The following SERPINE2 variants were observed in gnomAD, a reference collection of about 807,000 sequenced individuals.
SERPINE2 encodes glia-derived nexin.
SERPINE2 carries 14 observed loss-of-function variants against 36.3 expected under a neutral mutation model. That is an observed-to-expected ratio of 0.39 (90% CI 0.25 to 0.60). SERPINE2 has a LOEUF of 0.60. Ranked by LOEUF, SERPINE2 falls within the 20% of genes least tolerant of loss-of-function variation. The probability of loss-of-function intolerance (pLI) is 0.57; values close to 1 mark genes in which losing one functional copy is unlikely to be tolerated. For missense variants in SERPINE2, 418 were observed against 499.6 expected (o/e 0.84, Z 1.56); for synonymous variants, 192 against 191.8 (o/e 1.00, Z -0.01).
intron 1 of SERPINE2, among the ~76,000 whole-genome samples, chr2:224,025,281 C>A (rs1399144355): frequency 6.6e-6 from 1 of 152,220 alleles, no homozygotes; most frequent in Non-Finnish European, 1.5e-5. Flanking sequence ...GCACTAACCC[C>A]ATTCCCCAGC....
intron 1 of SERPINE2, among the ~76,000 whole-genome samples, chr2:224,007,426 C>G (rs933186332): frequency 1.3e-5 from 2 of 152,202 alleles, no homozygotes; most frequent in Non-Finnish European, 2.9e-5. Flanking sequence ...CCCCCCCATA[C>G]TCAACATCCA....
chr2:224,002,364 T>C (rs769312383), intron 1 of SERPINE2, among the ~76,000 whole-genome samples: 12 of 152,184 alleles, frequency 7.9e-5, no homozygotes, highest in Non-Finnish European at 1.5e-4. Context: ...CAGAACAGTG[T>C]AATTAAATCA....
chr2:223,990,736 G>C (rs1246507390), intron 4 of SERPINE2, among the ~76,000 whole-genome samples: 6 of 152,184 alleles, frequency 3.9e-5, no homozygotes, highest in Admixed American at 3.3e-4. Flanking sequence ...CCAGCAGTTT[G>C]AGAGGCCAAG....
chr2:223,980,141 G>T, intron 7 of SERPINE2, 170 bp downstream of exon 7: 1 of 556,960 alleles, frequency 1.8e-6, no homozygotes. Context: ...TGAGCTTTGT[G>T]GTTACAGGTC....
At chr2:224,017,946 T>C (rs1012438725) in intron 1 of SERPINE2, among the ~76,000 whole-genome samples, 3 of 152,234 alleles carry the variant, frequency 2.0e-5, no homozygotes, top group African/African-American at 7.2e-5. Flanking sequence ...TCAAAACACA[T>C]GTTTAAAGCT....
chr2:224,031,661 A>G (rs900082171), intron 1 of SERPINE2, among the ~76,000 whole-genome samples: 1 of 152,048 alleles, frequency 6.6e-6, no homozygotes, highest in Admixed American at 6.5e-5. Flanking sequence ...TCAGCCAATC[A>G]TAGGACCTCA....
At chr2:224,030,262 T>G (rs1168682368) in intron 1 of SERPINE2, 29 of 978,068 alleles carry the variant, frequency 3.0e-5, no homozygotes, top group Non-Finnish European at 3.4e-5. Context: ...CCACTGAGAG[T>G]GCAGCAGGAA....
At chr2:223,997,848 A>C (rs1225731552) in intron 3 of SERPINE2, among the ~76,000 whole-genome samples, 3 of 152,220 alleles carry the variant, frequency 2.0e-5, no homozygotes, top group Non-Finnish European at 2.9e-5. Flanking sequence ...AGGATGCTGG[A>C]GACCAGATAT....
intron 1 of SERPINE2, among the ~76,000 whole-genome samples, chr2:224,035,788 T>C (rs1219867392): frequency 6.6e-6 from 1 of 152,218 alleles, no homozygotes; most frequent in East Asian, 1.9e-4. Context: ...TGCCTACTGC[T>C]AGAAGTGGCA....
At chr2:223,995,139 G>A (rs1371486896) in intron 3 of SERPINE2, among the ~76,000 whole-genome samples, 1 of 152,156 alleles carries the variant, frequency 6.6e-6, no homozygotes, top group Non-Finnish European at 1.5e-5. Context: ...CTGTGTGGCT[G>A]GAACATAGAG....
intron 3 of SERPINE2, among the ~76,000 whole-genome samples, chr2:223,996,615 G>A (rs1690898656): frequency 1.3e-5 from 2 of 152,228 alleles, no homozygotes; most frequent in Non-Finnish European, 2.9e-5. Flanking sequence ...CGATTCCAAT[G>A]CAGTGGGCTG....
At chr2:224,001,402 C>A in intron 2 of SERPINE2, 1 of 472,812 alleles carries the variant, frequency 2.1e-6, no homozygotes, top group Non-Finnish European at 3.8e-6. Context: ...GAAAGGAGAC[C>A]TAGTGGCAGA....
chr2:224,024,535 C>T (rs1406018747), intron 1 of SERPINE2, among the ~76,000 whole-genome samples: 3 of 152,208 alleles, frequency 2.0e-5, no homozygotes, highest in Non-Finnish European at 2.9e-5. Flanking sequence ...TTTAACACTA[C>T]TGTGGAACAG....
At position 223,976,934 on chromosome 2, in the gene SERPINE2, G is replaced by A. The variant is rs372200048; in HGVS notation, c.1156+610C>T. On this transcript the variant is annotated intron_variant, in intron 8 of 8. Coordinates refer to ENST00000409304, the MANE Select transcript of SERPINE2 (RefSeq NM_001136528.2). ...CCAGGTGGAGAAAACTGAATCATAGGAGCAGTTTCCCCCATACTGTTCTTG... is the reference window on the plus strand; with the variant it reads ...CCAGGTGGAGAAAACTGAATCATAGAAGCAGTTTCCCCCATACTGTTCTTG... 3.9e-5 allele frequency among the ~76,000 whole-genome samples: 6 copies of A among 152,308 alleles called. No individual in the cohort carries two copies. The East Asian group carries it at 7.7e-4, about 20-fold the overall frequency.
At chr2:223,999,426 C>T (rs1691018391) in intron 2 of SERPINE2, among the ~76,000 whole-genome samples, 1 of 152,146 alleles carries the variant, frequency 6.6e-6, no homozygotes, top group African/African-American at 2.4e-5. Flanking sequence ...TGATGGTCCT[C>T]TAAAGAGCCG....
At chr2:223,999,204 A>T (rs895052253) in intron 2 of SERPINE2, among the ~76,000 whole-genome samples, 6 of 152,228 alleles carry the variant, frequency 3.9e-5, no homozygotes, top group African/African-American at 1.4e-4. Context: ...AACAAGCTCA[A>T]AGAGTAAGGA....
chr2:223,987,644 C>G (rs1690486925), intron 4 of SERPINE2, among the ~76,000 whole-genome samples: 1 of 152,220 alleles, frequency 6.6e-6, no homozygotes, highest in South Asian at 2.1e-4. Flanking sequence ...GAATGGTGGT[C>G]AACAAAACTT....
chr2:224,019,196 G>A (rs1389338899), intron 1 of SERPINE2, among the ~76,000 whole-genome samples: 2 of 152,032 alleles, frequency 1.3e-5, no homozygotes, highest in African/African-American at 2.4e-5. Flanking sequence ...CTATGATAAA[G>A]TTGAATTTAT....
rs768347806 is a variant in SERPINE2, at chr2:223,998,176, G to A, written c.426C>T (p.Asn142=). The stretch of plus-strand genomic sequence containing the variant: ...CACAGGCAGAGGCTGGATCCTCAAA[G>A]TTCACATTCCGGACCTCACACTGGA... The part of the protein sequence containing the change: ...DVFQCEVRNV[N]FEDPASACDS... Residue 142 remains asparagine, a synonymous_variant, in exon 3 of 9, where the codon AAC becomes AAT. Transcript: ENST00000409304. 16 of 1,614,214 alleles carry A rather than the reference G, an allele frequency of 9.9e-6. No homozygotes were observed. The highest frequency in any genetic ancestry group is 1.1e-5 in the Non-Finnish European group (13 of 1,180,050).
Sources: gnomAD v4.1 joint callset for allele counts (sites outside exome capture counted in the v4.1 genomes callset) on GRCh38, gnomAD v4.1.1 for gene constraint, MANE v1.5 for transcripts, NCBI Gene and HGNC (gene_info 2026-07-23, HGNC 2026-07-21) for gene names.